ASCC3: variants seen among roughly 807,000 people sequenced by gnomAD.
ASCC3 encodes the protein activating signal cointegrator 1 complex subunit 3.
Under a neutral mutation model 256.3 loss-of-function variants are expected in ASCC3, and 158 were observed. That is an observed-to-expected ratio of 0.62 (90% CI 0.54 to 0.70). The LOEUF (loss-of-function observed/expected upper bound fraction) is 0.70, where lower values mean the gene tolerates loss of function less well. ASCC3 is among the 30% of genes least tolerant of loss of function. ASCC3 has a pLI of 0.00. For synonymous variants in ASCC3, 948 were observed against 883.4 expected, an observed-to-expected ratio of 1.07 and a Z score of -1.30; for missense variants, 2,259 against 2,626.0, an observed-to-expected ratio of 0.86 and a Z score of 3.05.
intron 36 of ASCC3, among the ~76,000 whole-genome samples, chr6:100,588,405 A>G (rs1046867808): frequency 6.6e-6 from 1 of 152,168 alleles, no homozygotes; most frequent in Non-Finnish European, 1.5e-5. Flanking sequence ...TGCCTGTGCC[A>G]ACAGTCTCTT....
chr6:100,572,739 G>A (rs1332348816), intron 36 of ASCC3, among the ~76,000 whole-genome samples: 1 of 151,976 alleles, frequency 6.6e-6, no homozygotes, highest in African/African-American at 2.4e-5. Flanking sequence ...TAACATAGTT[G>A]TTGTTGTTGT....
At chr6:100,701,892 A>C (rs76309562) in intron 13 of ASCC3, among the ~76,000 whole-genome samples, 1,597 of 152,270 alleles carry the variant, frequency 0.01, 23 homozygotes, top group African/African-American at 0.036. Context: ...GAAAAGTAAA[A>C]GAGCATCACT....
rs148600995 is a variant in ASCC3, at chr6:100,662,535, A to G, written c.2288T>C (p.Val763Ala). 6.2e-6 allele frequency: 10 copies of G among 1,612,534 alleles called. No individual in the cohort carries two copies. The African/African-American group carries it at 1.2e-4, about 19-fold the overall frequency. ...TACTTGCTTATTTCTCGACCTTTGT[A>G]CCTAGATACCAAGAAAGCGTAAGAG... is the stretch of plus-strand genomic sequence containing the variant. ...GHDYVLAEKQ[V>A]QRSRNKQVRE... is the part of the protein sequence containing the mutation. The change falls in exon 15 of 42, where the codon GTA becomes GCA. Residue 763 changes from valine (V) to alanine (A), a missense_variant and splice_region_variant. Val to Ala is a moderately conservative substitution (Grantham distance 64). This residue lies in a region of ASCC3 where 1,839 missense variants were observed against 2,206.7 expected (regional missense o/e 0.83). Coordinates refer to ENST00000369162, the MANE Select transcript of ASCC3 (RefSeq NM_006828.4).
At chr6:100,831,640 A>G (rs544921381) in intron 4 of ASCC3, among the ~76,000 whole-genome samples, 2 of 152,334 alleles carry the variant, frequency 1.3e-5, no homozygotes, top group African/African-American at 4.8e-5. Context: ...CACAGCTACT[A>G]TAGAAATTTA....
At chr6:100,688,660 T>C (rs948345076) in intron 13 of ASCC3, among the ~76,000 whole-genome samples, 9 of 152,206 alleles carry the variant, frequency 5.9e-5, no homozygotes, top group African/African-American at 2.2e-4. Context: ...TATTTTTGAC[T>C]ATTTTTGTGC....
intron 12 of ASCC3, among the ~76,000 whole-genome samples, chr6:100,716,725 C>G (rs1416128762): frequency 6.6e-6 from 1 of 151,916 alleles, no homozygotes; most frequent in African/African-American, 2.4e-5. Flanking sequence ...CCATTCCTTT[C>G]ATGATTATGA....
intron 36 of ASCC3, among the ~76,000 whole-genome samples, chr6:100,585,504 G>A (rs910856535): frequency 4.6e-5 from 7 of 152,036 alleles, no homozygotes; most frequent in East Asian, 3.9e-4. Context: ...AAAGTTTTCA[G>A]TTTCTTTGCC....
At chr6:100,701,901 C>T (rs1220117191) in intron 13 of ASCC3, among the ~76,000 whole-genome samples, 2 of 151,678 alleles carry the variant, frequency 1.3e-5, no homozygotes, top group African/African-American at 2.4e-5. Context: ...AAGAGCATCA[C>T]TATGATGAGG....
intron 33 of ASCC3, among the ~76,000 whole-genome samples, chr6:100,605,050 C>T (rs1442016600): frequency 6.6e-6 from 1 of 152,046 alleles, no homozygotes; most frequent in East Asian, 1.9e-4. Flanking sequence ...GAGCCAGCAG[C>T]CTAAATCATT....
chr6:100,686,855 C>T (rs1383674213), intron 13 of ASCC3, among the ~76,000 whole-genome samples: 1 of 152,016 alleles, frequency 6.6e-6, no homozygotes, highest in East Asian at 1.9e-4. Context: ...TTATTCTTTT[C>T]TTATCAATTT....
chr6:100,770,499 A>G (rs966741), intron 8 of ASCC3, among the ~76,000 whole-genome samples: 82,565 of 150,872 alleles, frequency 0.55, 22,926 homozygotes, highest in South Asian at 0.75. Flanking sequence ...AAAAGGGGAA[A>G]AAGAAAAAAA....
intron 30 of ASCC3, among the ~76,000 whole-genome samples, chr6:100,615,437 T>G (rs1015472055): frequency 2.0e-5 from 3 of 152,200 alleles, no homozygotes; most frequent in African/African-American, 7.2e-5. Context: ...TACCCTGTTT[T>G]GAGTTCCTAA....
At chr6:100,637,634 T>G (rs376869217) in intron 25 of ASCC3, among the ~76,000 whole-genome samples, 42 of 152,258 alleles carry the variant, frequency 2.8e-4, no homozygotes, top group Middle Eastern at 3.4e-3. Flanking sequence ...TAGATGCCAT[T>G]AAGAACATTC....
chr6:100,527,681 T>C (rs1394627933), intron 37 of ASCC3, among the ~76,000 whole-genome samples: 1 of 152,170 alleles, frequency 6.6e-6, no homozygotes, highest in Non-Finnish European at 1.5e-5. Flanking sequence ...TTAATGAAAA[T>C]ATAGAACCAG....
At chr6:100,697,805 A>G (rs912146683) in intron 13 of ASCC3, among the ~76,000 whole-genome samples, 2 of 152,106 alleles carry the variant, frequency 1.3e-5, no homozygotes, top group Admixed American at 6.5e-5. Flanking sequence ...AACGGAAGGA[A>G]TTTTTCCATG....
chr6:100,867,051 A>G (rs773965685), intron 2 of ASCC3, among the ~76,000 whole-genome samples: 1 of 152,232 alleles, frequency 6.6e-6, no homozygotes, highest in African/African-American at 2.4e-5. Context: ...TATCCATCAG[A>G]AGAAATTACT....
chr6:100,760,936 T>C (rs1211610407), intron 10 of ASCC3, among the ~76,000 whole-genome samples: 1 of 152,048 alleles, frequency 6.6e-6, no homozygotes, highest in African/African-American at 2.4e-5. Context: ...GCTGGAAACT[T>C]CCCAAATTTG....
chr6:100,684,534 GC>G (rs929360921), intron 13 of ASCC3, among the ~76,000 whole-genome samples: 4 of 152,128 alleles, frequency 2.6e-5, no homozygotes, highest in African/African-American at 9.7e-5. Flanking sequence ...GTAAGTATTA[GC>G]ACCATTATTA....
chr6:100,509,852 C>G (rs540478999), intron 41 of ASCC3, 80 bp downstream of exon 41: 1 of 1,400,560 alleles, frequency 7.1e-7, no homozygotes, highest in African/African-American at 1.5e-5. Context: ...CGCGCCACTG[C>G]ACTCCAGCCT....
Sources: allele counts gnomAD v4.1 joint callset (sites outside exome capture counted in the v4.1 genomes callset), GRCh38; gene constraint gnomAD v4.1.1; regional missense constraint gnomAD v4.1.1; transcripts MANE v1.5; gene names NCBI Gene and HGNC (gene_info 2026-07-23, HGNC 2026-07-21).